The following MAST2 variants were observed in gnomAD, a reference collection of about 807,000 sequenced individuals.
MAST2 encodes microtubule-associated serine/threonine-protein kinase 2.
MAST2 carries 70 observed loss-of-function variants against 147.4 expected under a neutral mutation model. That is an observed-to-expected ratio of 0.47 (90% CI 0.39 to 0.58). The LOEUF (loss-of-function observed/expected upper bound fraction) is 0.58, where lower values mean the gene tolerates loss of function less well. Ranked by LOEUF, MAST2 falls within the 20% of genes least tolerant of loss-of-function variation. The pLI is 0.00. For missense variants in MAST2, 2,080 were observed against 2,302.3 expected (o/e 0.90, Z 1.98); for synonymous variants, 869 against 896.8 (o/e 0.97, Z 0.55).
At chr1:46,011,426 A>C (rs1645711781) in intron 10 of MAST2, among the ~76,000 whole-genome samples, 1 of 152,174 alleles carries the variant, frequency 6.6e-6, no homozygotes, top group Non-Finnish European at 1.5e-5. Context: ...ATGTTTTGAG[A>C]CCTGGTCCTC....
intron 3 of MAST2, among the ~76,000 whole-genome samples, chr1:45,844,176 C>T (rs1042714254): frequency 2.0e-5 from 3 of 151,884 alleles, no homozygotes; most frequent in Non-Finnish European, 4.4e-5. Context: ...CTTGGCTCAC[C>T]GCAGTGTCAA....
chr1:45,858,120 A>G (rs1035478924), intron 3 of MAST2, among the ~76,000 whole-genome samples: 5 of 152,224 alleles, frequency 3.3e-5, no homozygotes, highest in African/African-American at 1.2e-4. Context: ...TCCTTTGGGT[A>G]TATACCCAGT....
rs149637121 is a variant in MAST2 at position 45,812,609 on chromosome 1, A to G, written c.177+8537A>G. Among the ~76,000 whole-genome samples, 144 of 152,102 alleles carry G rather than the reference A, an allele frequency of 9.5e-4. 1 individual carries two copies. Among genetic ancestry groups the G allele is most frequent in the African/African-American group, 3.2e-3 (131 of 41,498 alleles). On this transcript the variant is annotated intron_variant, in intron 1 of 28. Transcript: ENST00000361297. ...GCCTGGGTAATTTTGTATTTTTAGT[A>G]GAGACTAGGTTTCTCCATGTTGGTC...
At chr1:45,933,900 T>A (rs1391513645) in intron 4 of MAST2, among the ~76,000 whole-genome samples, 1 of 131,570 alleles carries the variant, frequency 7.6e-6, no homozygotes, top group Non-Finnish European at 1.6e-5. Flanking sequence ...AATGAAAAAT[T>A]TTAAGTTTTT....
intron 5 of MAST2, among the ~76,000 whole-genome samples, chr1:45,977,507 A>G (rs1224054248): frequency 1.3e-5 from 2 of 149,830 alleles, no homozygotes; most frequent in Non-Finnish European, 3.0e-5. Flanking sequence ...AAACAAACAA[A>G]CAAACAAAAA....
intron 11 of MAST2, among the ~76,000 whole-genome samples, chr1:46,021,735 G>A (rs1465537428): frequency 1.3e-5 from 2 of 152,212 alleles, no homozygotes; most frequent in Non-Finnish European, 2.9e-5. Flanking sequence ...GACAGCATAT[G>A]CTTAGCATGT....
At chr1:46,012,440 C>A (rs888788392) in intron 10 of MAST2, among the ~76,000 whole-genome samples, 3 of 152,224 alleles carry the variant, frequency 2.0e-5, no homozygotes, top group Admixed American at 2.0e-4. Flanking sequence ...GAAAAGAATT[C>A]AGTGCAGGCT....
rs991349437 is a variant in MAST2 at position 46,035,712 on chromosome 1, C to A, written c.5043C>A (p.Ala1681=). The change falls in exon 29 of 29, where the codon GCC becomes GCA. Residue 1681 remains alanine, a synonymous_variant. Transcript: ENST00000361297. The surrounding 1 kb of genome is among the most constrained non-coding windows in gnomAD (Gnocchi z 5.5). ...AGGCAACCATGGCAGGTGGGCTAGCCAACCTCCAGGATTTGGAAAACACAA... is the reference window on the plus strand; with the variant it reads ...AGGCAACCATGGCAGGTGGGCTAGCAAACCTCCAGGATTTGGAAAACACAA... ...SRKATMAGGL[A]NLQDLENTTP... is the part of the protein sequence containing the mutation. The A allele has an allele frequency of 6.2e-7, 1 of 1,614,000 alleles. No individual in the cohort carries two copies. The highest frequency in any genetic ancestry group is 8.5e-7 in the Non-Finnish European group (1 of 1,180,024).
At chr1:45,859,641 T>C (rs1171711075) in intron 3 of MAST2, among the ~76,000 whole-genome samples, 1 of 152,216 alleles carries the variant, frequency 6.6e-6, no homozygotes, top group Non-Finnish European at 1.5e-5. Flanking sequence ...TTGCTTACCA[T>C]GTAAAGAACC....
rs1646290382 is a variant in MAST2, at chr1:46,023,817, C to T, written c.1617C>T (p.Ala539=). 3.7e-6 allele frequency: 6 copies of T among 1,614,118 alleles called. No homozygotes were observed. Among genetic ancestry groups the T allele is most frequent in the Non-Finnish European group, 5.1e-6 (6 of 1,180,038 alleles). The change falls in exon 15 of 29, where the codon GCC becomes GCT. Residue 539 remains alanine (A), a synonymous_variant. Transcript: ENST00000361297. This position sits in a 1 kb window ranked among gnomAD's most constrained non-coding sequence, Gnocchi z 4.9. ...ACAAGTCCACCCGGCAGCGCTTTGC[C>T]ATGAAGAAGATCAACAAGCAGAACC... ...VRHKSTRQRF[A]MKKINKQNLI...
At chr1:45,972,198 C>T (rs1280977362) in intron 5 of MAST2, among the ~76,000 whole-genome samples, 3 of 152,228 alleles carry the variant, frequency 2.0e-5, no homozygotes, top group Non-Finnish European at 4.4e-5. Flanking sequence ...ACTCAACATT[C>T]AGCACACTGG....
intron 1 of MAST2, among the ~76,000 whole-genome samples, chr1:45,811,188 C>G (rs545725674): frequency 7.4e-6 from 1 of 135,888 alleles, no homozygotes; most frequent in Admixed American, 7.4e-5. Flanking sequence ...TTTTTTGAGA[C>G]GAAGTCTCGC....
At position 45,834,978 on chromosome 1, in the gene MAST2, T is replaced by C. The variant is rs569183465; in HGVS notation, c.468+5397T>C. On this transcript the variant is annotated intron_variant, in intron 3 of 28. Coordinates refer to ENST00000361297, the MANE Select transcript of MAST2 (RefSeq NM_015112.3). ...TCCATAATTGAAATTTTATTGGTAGTGTTGAGGATCAGTACACAGACATTT... is the reference window on the plus strand; with the variant it reads ...TCCATAATTGAAATTTTATTGGTAGCGTTGAGGATCAGTACACAGACATTT... Among the ~76,000 whole-genome samples the C allele has an allele frequency of 7.0e-4, 106 of 152,136 alleles. No homozygotes were observed. In the South Asian group the frequency reaches 0.022, roughly 31 times the overall value.
intron 4 of MAST2, among the ~76,000 whole-genome samples, chr1:45,923,234 A>AG (rs1653819328): frequency 1.3e-5 from 2 of 152,108 alleles, no homozygotes; most frequent in African/African-American, 4.8e-5. Context: ...GTGGGCCTGT[A>AG]GGGGGGCTTC....
intron 3 of MAST2, among the ~76,000 whole-genome samples, chr1:45,881,775 A>G (rs1570518995): frequency 6.6e-6 from 1 of 151,970 alleles, no homozygotes; most frequent in African/African-American, 2.4e-5. Context: ...CACTGGGGAG[A>G]TGGTTCCATC....
intron 11 of MAST2, 110 bp downstream of exon 11, chr1:46,019,807 A>T: frequency 1.1e-6 from 1 of 902,600 alleles, no homozygotes; most frequent in South Asian, 1.5e-5. Context: ...TCTGTTGCTT[A>T]GGTCCTTATT....
At chr1:45,901,517 G>T (rs369926044) in intron 4 of MAST2, among the ~76,000 whole-genome samples, 42 of 152,128 alleles carry the variant, frequency 2.8e-4, no homozygotes, top group African/African-American at 8.2e-4. Flanking sequence ...TTTTGGAATG[G>T]TTTTTTCTGA....
chr1:46,035,489 CCA>C lies in MAST2; in HGVS notation c.4823_4824del (p.Thr1608ArgfsTer6). 6.2e-7 allele frequency: 1 copy of C among 1,613,240 alleles called. No individual in the cohort carries two copies. Among genetic ancestry groups the C allele is most frequent in the African/African-American group, 1.3e-5 (1 of 74,968 alleles). On this transcript the variant is annotated frameshift_variant, in exon 29 of 29. Transcript: ENST00000361297. LOFTEE classifies it low-confidence loss of function (END_TRUNC). This position sits in a 1 kb window ranked among gnomAD's most constrained non-coding sequence, Gnocchi z 5.5. Reference sequence around the variant, plus strand: ...GGCCCCAACCTAGGTCAGTCTGGAGCCACAGACCCCATCCCTCCTGAAGGTTG... The same window carrying C: ...GGCCCCAACCTAGGTCAGTCTGGAGCCAGACCCCATCCCTCCTGAAGGTTG...
At chr1:45,863,450 A>G (rs1025621495) in intron 3 of MAST2, among the ~76,000 whole-genome samples, 1 of 152,224 alleles carries the variant, frequency 6.6e-6, no homozygotes, top group Admixed American at 6.5e-5. Context: ...ATGTGGATTT[A>G]TTAGCTCTCA....
Sources: gnomAD v4.1 joint callset for allele counts (sites outside exome capture counted in the v4.1 genomes callset) on GRCh38, gnomAD v4.1.1 for gene constraint, Gnocchi (gnomAD v3.1) non-coding constraint, MANE v1.5 for transcripts, NCBI Gene and HGNC (gene_info 2026-07-23, HGNC 2026-07-21) for gene names.